Variants in CNBD1 observed in about 807,000 individuals in gnomAD.
The protein encoded by CNBD1 is cyclic nucleotide-binding domain-containing protein 1.
A neutral mutation model predicts 54.4 loss-of-function variants in CNBD1; 71 were observed. The ratio of observed to expected loss-of-function variants is 1.30; its 90% CI spans 1.08 to 1.59. The LOEUF is 1.59. Among genes scored for constraint, CNBD1 ranks in the 40% most tolerant of loss-of-function variants. The pLI, the probability that CNBD1 is intolerant of heterozygous loss-of-function variation, is 0.00. For missense variants in CNBD1, 659 were observed against 518.0 expected (o/e 1.27, Z -2.64); for synonymous variants, 182 against 170.7 (o/e 1.07, Z -0.51).
At chr8:86,964,613 AC>A (rs1425379689) in intron 4 of CNBD1, among the ~76,000 whole-genome samples, 1 of 152,184 alleles carries the variant, frequency 6.6e-6, no homozygotes, top group Admixed American at 6.5e-5. Context: ...AGAAAAGGGG[AC>A]CCGAATCTAA....
chr8:87,375,561 A>T (rs1010145601), intron 10 of CNBD1, among the ~76,000 whole-genome samples: 1 of 151,874 alleles, frequency 6.6e-6, no homozygotes, highest in Non-Finnish European at 1.5e-5. Context: ...TAGTTTAGGT[A>T]TCACACAGAT....
chr8:87,101,584 A>G (rs986280285), intron 4 of CNBD1, among the ~76,000 whole-genome samples: 1 of 152,150 alleles, frequency 6.6e-6, no homozygotes, highest in African/African-American at 2.4e-5. Flanking sequence ...TTATGGAACA[A>G]CTTGACAAAA....
chr8:86,916,997 A>T (rs1346040801), intron 3 of CNBD1, among the ~76,000 whole-genome samples: 4 of 151,966 alleles, frequency 2.6e-5, no homozygotes, highest in African/African-American at 9.7e-5. Flanking sequence ...CAGCCTGTCA[A>T]GTAGCTGGGA....
intron 4 of CNBD1, among the ~76,000 whole-genome samples, chr8:87,034,627 A>G (rs1809868818): frequency 1.3e-5 from 2 of 152,134 alleles, no homozygotes; most frequent in East Asian, 1.9e-4. Flanking sequence ...ATTTGTGTAT[A>G]TTTTGTGGTA....
chr8:87,031,736 G>A (rs1040557865), intron 4 of CNBD1, among the ~76,000 whole-genome samples: 1 of 151,654 alleles, frequency 6.6e-6, no homozygotes, highest in Non-Finnish European at 1.5e-5. Context: ...CTTCCTTTAC[G>A]TTCTTATCAT....
At chr8:87,041,726 G>A (rs919134637) in intron 4 of CNBD1, among the ~76,000 whole-genome samples, 1 of 152,152 alleles carries the variant, frequency 6.6e-6, no homozygotes, top group Admixed American at 6.5e-5. Context: ...GTGAACCTGG[G>A]AGGCGGAGCT....
intron 4 of CNBD1, among the ~76,000 whole-genome samples, chr8:87,090,132 A>C (rs1041870438): frequency 1.3e-5 from 2 of 152,130 alleles, no homozygotes; most frequent in Non-Finnish European, 2.9e-5. Flanking sequence ...ATAAGTGAGG[A>C]GGATAAATGT....
chr8:87,196,900 T>A (rs1563503938), intron 4 of CNBD1, among the ~76,000 whole-genome samples: 1 of 152,072 alleles, frequency 6.6e-6, no homozygotes, highest in Non-Finnish European at 1.5e-5. Context: ...AAAGGTGAAT[T>A]AATGAAAATA....
At chr8:87,159,018 T>G (rs1385415404) in intron 4 of CNBD1, among the ~76,000 whole-genome samples, 1 of 152,208 alleles carries the variant, frequency 6.6e-6, no homozygotes, top group Non-Finnish European at 1.5e-5. Flanking sequence ...CATTATTTAT[T>G]TCATTTTTTT....
chr8:87,006,282 C>T (rs1282612138), intron 4 of CNBD1, among the ~76,000 whole-genome samples: 1 of 152,068 alleles, frequency 6.6e-6, no homozygotes, highest in African/African-American at 2.4e-5. Flanking sequence ...TCTAGGTGAC[C>T]TTTATGGAAG....
chr8:87,265,392 T>C (rs905478798), intron 6 of CNBD1, among the ~76,000 whole-genome samples: 2 of 152,192 alleles, frequency 1.3e-5, no homozygotes, highest in African/African-American at 4.8e-5. Flanking sequence ...CATGCTGTTT[T>C]GGTTACTGTA....
intron 4 of CNBD1, among the ~76,000 whole-genome samples, chr8:87,154,382 A>C (rs1812670971): frequency 6.6e-6 from 1 of 152,172 alleles, no homozygotes; most frequent in Non-Finnish European, 1.5e-5. Flanking sequence ...GAAGCTGGTG[A>C]AGCAGAGGAG....
Position 87,205,992 on chromosome 8 carries a change from G to A in CNBD1, c.432-1G>A. The stretch of plus-strand genomic sequence containing the variant: ...AATTTGTATTTTTTTTTTTTTTTGA[G>A]GCCCATTCACAGGACGCCATATGAA... On this transcript the variant is annotated splice_acceptor_variant, in intron 4 of 10. Coordinates refer to ENST00000518476, the MANE Select transcript of CNBD1 (RefSeq NM_173538.3). LOFTEE classifies it high-confidence loss of function. 6.9e-7 allele frequency: 1 copy of A among 1,453,016 alleles called. No individual in the cohort carries two copies. 90.0% of individuals were successfully genotyped at this position (1,453,016 alleles called of 1,614,324 possible). A position where few individuals can be genotyped will look rare whatever the true frequency, so the allele number is the denominator to read the frequency against.
At chr8:87,185,753 T>A (rs184186744) in intron 4 of CNBD1, among the ~76,000 whole-genome samples, 6,025 of 152,246 alleles carry the variant, frequency 0.04, 204 homozygotes, top group Non-Finnish European at 0.061. Context: ...AAATACTCAT[T>A]AATAATTCAA....
chr8:86,988,891 AG>A (rs1439651543), intron 4 of CNBD1, among the ~76,000 whole-genome samples: 2 of 152,164 alleles, frequency 1.3e-5, no homozygotes, highest in Admixed American at 6.6e-5. Context: ...CATTGTGTCC[AG>A]GTATCACATT....
intron 2 of CNBD1, among the ~76,000 whole-genome samples, chr8:87,414,628 C>T (rs1418873866): frequency 6.6e-6 from 1 of 151,992 alleles, no homozygotes; most frequent in Non-Finnish European, 1.5e-5. Flanking sequence ...TATCATGTAA[C>T]ATATAATAAC....
At chr8:87,267,992 A>G (rs575530042) in intron 6 of CNBD1, among the ~76,000 whole-genome samples, 11 of 152,180 alleles carry the variant, frequency 7.2e-5, no homozygotes, top group Middle Eastern at 3.4e-3. Flanking sequence ...GGCGATACAC[A>G]TGTAGGTTTA....
At chr8:86,873,335 G>A (rs535092342) in intron 1 of CNBD1, among the ~76,000 whole-genome samples, 6 of 151,558 alleles carry the variant, frequency 4.0e-5, no homozygotes, top group Non-Finnish European at 8.8e-5. Context: ...TCCCAACCTC[G>A]GGTGATCTGC....
At chr8:86,914,193 T>TA (rs1809147815) in intron 3 of CNBD1, among the ~76,000 whole-genome samples, 1 of 152,214 alleles carries the variant, frequency 6.6e-6, no homozygotes, top group Non-Finnish European at 1.5e-5. Flanking sequence ...CTCCTCAGTT[T>TA]ATGCAGATGA....
Sources: gnomAD v4.1 joint callset for allele counts (sites outside exome capture counted in the v4.1 genomes callset) on GRCh38, gnomAD v4.1.1 for gene constraint, MANE v1.5 for transcripts, NCBI Gene and HGNC (gene_info 2026-07-23, HGNC 2026-07-21) for gene names.